The following SMARCAL1 variants were observed in gnomAD, a reference collection of about 807,000 sequenced individuals.
SMARCAL1 encodes the protein ATP-driven annealing helicase.
In SMARCAL1, 58 loss-of-function variants were observed where a neutral mutation model predicts 94.5. The observed-to-expected ratio is 0.61, with a 90% confidence interval of 0.50 to 0.76. The LOEUF (loss-of-function observed/expected upper bound fraction) is 0.76. Among genes scored for constraint, SMARCAL1 ranks in the 30% least tolerant of loss-of-function variants. The pLI is 0.00. For synonymous variants in SMARCAL1, 422 were observed against 455.1 expected (o/e 0.93, Z 0.93); for missense variants, 1,051 against 1,177.9 (o/e 0.89, Z 1.58).
intron 12 of SMARCAL1, among the ~76,000 whole-genome samples, chr2:216,460,035 A>G (rs1470188271): frequency 6.6e-6 from 1 of 152,244 alleles, no homozygotes; most frequent in Non-Finnish European, 1.5e-5. Flanking sequence ...GGATATGAAC[A>G]GACACTTCTC....
chr2:216,430,311 A>T (rs1693936000), intron 7 of SMARCAL1, among the ~76,000 whole-genome samples: 1 of 152,230 alleles, frequency 6.6e-6, no homozygotes, highest in Admixed American at 6.5e-5. Context: ...CTTTAATGCA[A>T]GAACTACAAT....
chr2:216,475,256 C>T lies in SMARCAL1; in HGVS notation c.2245-13C>T, dbSNP rs1264882755. On this transcript the variant is annotated splice_polypyrimidine_tract_variant and intron_variant, in intron 14 of 17. Coordinates refer to ENST00000357276, the MANE Select transcript of SMARCAL1 (RefSeq NM_014140.4). This position sits in a 1 kb window ranked among gnomAD's most constrained non-coding sequence, Gnocchi z 4.4. ...GCTGTTGCCCACCTTGCTTCTGCCCCTTGTTCCTGCAGCACGTGCAGCACA... is the reference window on the plus strand; with the variant it reads ...GCTGTTGCCCACCTTGCTTCTGCCCTTTGTTCCTGCAGCACGTGCAGCACA... 13 of 1,614,024 alleles carry T rather than the reference C, an allele frequency of 8.1e-6. No individual in the cohort carries two copies. The highest frequency in any genetic ancestry group is 1.0e-5 in the Non-Finnish European group (12 of 1,180,008).
At chr2:216,433,393 T>A (rs1694007984) in intron 8 of SMARCAL1, among the ~76,000 whole-genome samples, 1 of 152,120 alleles carries the variant, frequency 6.6e-6, no homozygotes. Context: ...ACTTAATTTT[T>A]AAAATATTTT....
chr2:216,475,225 C>G lies in SMARCAL1; in HGVS notation c.2245-44C>G. 1.9e-6 allele frequency: 3 copies of G among 1,609,838 alleles called. No individual in the cohort carries two copies. Among genetic ancestry groups the G allele is most frequent in the Non-Finnish European group, 2.5e-6 (3 of 1,177,668 alleles). On this transcript the variant is annotated intron_variant, in intron 14 of 17. Coordinates refer to ENST00000357276, the MANE Select transcript of SMARCAL1 (RefSeq NM_014140.4). The surrounding 1 kb of genome is among the most constrained non-coding windows in gnomAD (Gnocchi z 4.4). ...GCTGGGTGTGGTTTGCTGAGAAGCC[C>G]CCGGGGCTGTTGCCCACCTTGCTTC...
chr2:216,435,222 A>T, intron 8 of SMARCAL1, 116 bp from the exon 9 acceptor site: 1 of 1,069,970 alleles, frequency 9.3e-7, no homozygotes, highest in Non-Finnish European at 1.4e-6. Context: ...GGGCACAGGT[A>T]GGTGAGAGGA....
At chr2:216,476,253 T>A (rs1695076639) in intron 15 of SMARCAL1, among the ~76,000 whole-genome samples, 1 of 152,080 alleles carries the variant, frequency 6.6e-6, no homozygotes. Flanking sequence ...ACATTAATAA[T>A]GGGTAGACCT....
chr2:216,421,811 GACCTCAC>G (rs1395037046), intron 5 of SMARCAL1, among the ~76,000 whole-genome samples: 2 of 152,182 alleles, frequency 1.3e-5, no homozygotes, highest in East Asian at 3.8e-4. Flanking sequence ...ATGCCTTTGA[GACCTCAC>G]ATTCAAGCAT....
intron 10 of SMARCAL1, among the ~76,000 whole-genome samples, chr2:216,438,931 TA>T (rs2106040966): frequency 6.6e-6 from 1 of 152,276 alleles, no homozygotes; most frequent in East Asian, 1.9e-4. Flanking sequence ...TTAATGAAAG[TA>T]ATGGCAAAAA....
At chr2:216,439,957 G>C (rs548874830) in intron 10 of SMARCAL1, among the ~76,000 whole-genome samples, 2 of 151,602 alleles carry the variant, frequency 1.3e-5, no homozygotes, top group East Asian at 1.9e-4. Flanking sequence ...CAGGAGAATC[G>C]CTTGAACCTG....
At position 216,414,763 on chromosome 2, in the gene SMARCAL1, C is replaced by T; in HGVS notation, c.59C>T (p.Ala20Val). 2 of 1,614,242 alleles carry T rather than the reference C, an allele frequency of 1.2e-6. No individual in the cohort carries two copies. The highest frequency in any genetic ancestry group is 1.1e-5 in the South Asian group (1 of 91,088). The change falls in exon 3 of 18, where the codon GCT becomes GTT. Residue 20 changes from alanine to valine, a missense_variant. Physicochemically the swap from Ala to Val is moderately conservative, Grantham distance 64 (BLOSUM62 0). Transcript: ENST00000357276. ...RKKIEENRQKALARRAEKLLA... is the reference protein window; with the variant it reads ...RKKIEENRQKVLARRAEKLLA... ...AAGATTGAAGAGAATCGACAAAAGG[C>T]TCTGGCCCGCAGAGCTGAGAAGTTA...
intron 12 of SMARCAL1, among the ~76,000 whole-genome samples, chr2:216,462,345 G>A (rs1694723664): frequency 6.6e-6 from 1 of 152,266 alleles, no homozygotes; most frequent in African/African-American, 2.4e-5. Context: ...CAACTGGGGT[G>A]CAGTCTGATG....
At chr2:216,416,171 C>CTTCATTCATTCATTTAGA in intron 3 of SMARCAL1, 86 bp from the exon 4 acceptor site, 1 of 1,169,200 alleles carries the variant, frequency 8.6e-7, no homozygotes, top group Non-Finnish European at 1.3e-6. Flanking sequence ...ACTTGGCGTC[C>CTTCATTCATTCATTTAGA]TTCATTCATT....
chr2:216,420,564 A>G (rs2066515), intron 5 of SMARCAL1, 32 bp downstream of exon 5: 1 of 1,526,548 alleles, frequency 6.6e-7, no homozygotes, highest in South Asian at 1.1e-5. Context: ...GATTCCCAGA[A>G]TGTGTAGTGG....
intron 16 of SMARCAL1, among the ~76,000 whole-genome samples, chr2:216,477,468 GGCAGGGAGAAGT>G (rs1695110801): frequency 6.6e-6 from 1 of 152,148 alleles, no homozygotes; most frequent in African/African-American, 2.4e-5. Flanking sequence ...GCTGGTCTGA[GGCAGGGAGAAGT>G]GCTGATTATG....
At chr2:216,461,993 A>C (rs2106069799) in intron 12 of SMARCAL1, among the ~76,000 whole-genome samples, 2 of 152,342 alleles carry the variant, frequency 1.3e-5, no homozygotes, top group Middle Eastern at 3.4e-3. Context: ...ATTTGTGCAC[A>C]TGCAATTTTA....
intron 4 of SMARCAL1, among the ~76,000 whole-genome samples, chr2:216,419,872 A>C (rs1040476419): frequency 1.3e-5 from 2 of 151,860 alleles, no homozygotes; most frequent in Non-Finnish European, 2.9e-5. Flanking sequence ...TCTACAAAAA[A>C]TACGAAAACT....
intron 14 of SMARCAL1, among the ~76,000 whole-genome samples, chr2:216,469,412 G>A (rs1191239841): frequency 6.6e-6 from 1 of 151,408 alleles, no homozygotes; most frequent in Non-Finnish European, 1.5e-5. Flanking sequence ...CTCCCGAGAA[G>A]CTGGGACTAC....
At chr2:216,433,913 A>G (rs1694017768) in intron 8 of SMARCAL1, among the ~76,000 whole-genome samples, 1 of 150,776 alleles carries the variant, frequency 6.6e-6, no homozygotes, top group South Asian at 2.1e-4. Context: ...ATTCTGACCG[A>G]AGAGATGGCA....
At position 216,475,293 on chromosome 2, in the gene SMARCAL1, G is replaced by A. The variant is rs1395827043; in HGVS notation, c.2269G>A (p.Gly757Ser). 3 of 1,614,180 alleles carry A rather than the reference G, an allele frequency of 1.9e-6. No individual in the cohort carries two copies. In the South Asian group the frequency reaches 3.3e-5, roughly 18 times the overall value. Reference sequence around the variant, plus strand: ...GCACGTGCAGCACATCCGCATCGATGGCTCCACCTCATCAGCTGAGCGGGA... The same window carrying A: ...GCACGTGCAGCACATCCGCATCGATAGCTCCACCTCATCAGCTGAGCGGGA... ...RKHVQHIRID[G>S]STSSAEREDL... The change falls in exon 15 of 18, where the codon GGC becomes AGC. Residue 757 changes from glycine (G) to serine (S), a missense_variant. By Grantham distance (56) the Gly-to-Ser change is moderately conservative (BLOSUM62 0). Around this residue, in one of 3 missense-constraint regions of SMARCAL1, gnomAD observed 642 missense variants for 754.7 expected, o/e 0.85. Transcript: ENST00000357276. The surrounding 1 kb of genome is among the most constrained non-coding windows in gnomAD (Gnocchi z 4.4).
Sources: allele counts gnomAD v4.1 joint callset (sites outside exome capture counted in the v4.1 genomes callset), GRCh38; gene constraint gnomAD v4.1.1; regional missense constraint gnomAD v4.1.1; non-coding constraint Gnocchi (gnomAD v3.1); transcripts MANE v1.5; gene names NCBI Gene and HGNC (gene_info 2026-07-23, HGNC 2026-07-21).